CRMP1: variants seen among roughly 807,000 people sequenced by gnomAD.
CRMP1 encodes the protein collapsin response mediator protein 1, also known as dihydropyrimidinase-related protein 1.
CRMP1 carries 19 observed loss-of-function variants against 68.3 expected under a neutral mutation model. That is an observed-to-expected ratio of 0.28 (90% CI 0.19 to 0.41). The LOEUF is 0.41. Among genes scored for constraint, CRMP1 ranks in the 10% least tolerant of loss-of-function variants. The pLI, the probability that CRMP1 is intolerant of heterozygous loss-of-function variation, is 1.00. For synonymous variants in CRMP1, 439 were observed against 399.6 expected, an observed-to-expected ratio of 1.10 and a Z score of -1.18; for missense variants, 791 against 967.4, an observed-to-expected ratio of 0.82 and a Z score of 2.42.
Position 5,842,600 on chromosome 4 carries a change from ACACACACACACACACACTCACT to A in CRMP1, c.1032+471_1032+492del, listed in dbSNP as rs919011489. 4.4e-5 allele frequency among the ~76,000 whole-genome samples: 2 copies of A among 45,916 alleles called. No homozygotes were observed. The highest frequency in any genetic ancestry group is 2.6e-4 in the African/African-American group (2 of 7,574). 30.1% of individuals were successfully genotyped at this position (45,916 alleles called of 152,430 possible). A position where few individuals can be genotyped will look rare whatever the true frequency, so the allele number is the denominator to read the frequency against. On this transcript the variant is annotated intron_variant, in intron 7 of 13. Transcript: ENST00000324989. The surrounding 1 kb of genome is among the most constrained non-coding windows in gnomAD (Gnocchi z 4.5). Reference sequence around the variant, plus strand: ...TGCACCCACACTCACACACTCTCTCACACACACACACACACACTCACTCACACACACACACACGCACTGTCTC... The same window carrying A: ...TGCACCCACACTCACACACTCTCTCACACACACACACACACGCACTGTCTC...
intron 1 of CRMP1, among the ~76,000 whole-genome samples, chr4:5,876,782 C>T (rs1370613510): frequency 1.3e-5 from 2 of 151,106 alleles, no homozygotes; most frequent in African/African-American, 4.9e-5. Context: ...ACAGCATGGC[C>T]CAGCTGGTCC....
At chr4:5,824,993 C>CG (rs1719314248) in intron 13 of CRMP1, 1 of 985,244 alleles carries the variant, frequency 1.0e-6, no homozygotes. Flanking sequence ...TTGGGGCTTC[C>CG]GTTTCCTCTT....
intron 2 of CRMP1, among the ~76,000 whole-genome samples, chr4:5,864,839 C>T (rs1272761003): frequency 7.5e-6 from 1 of 133,732 alleles, no homozygotes; most frequent in African/African-American, 2.5e-5. Flanking sequence ...CCTGGCAAGT[C>T]CCGTGAGTCC....
chr4:5,871,363 G>C (rs1405230294), intron 1 of CRMP1, among the ~76,000 whole-genome samples: 3 of 152,146 alleles, frequency 2.0e-5, no homozygotes, highest in African/African-American at 7.2e-5. Context: ...CGTGAGTTTA[G>C]AAATCTCTAG....
At chr4:5,828,264 T>C in intron 12 of CRMP1, 1 of 985,372 alleles carries the variant, frequency 1.0e-6, no homozygotes. Flanking sequence ...TGCACACCCC[T>C]CTACAGTTTG....
At chr4:5,836,726 G>T in intron 10 of CRMP1, 39 bp downstream of exon 10, 10 of 1,613,894 alleles carry the variant, frequency 6.2e-6, no homozygotes, top group Non-Finnish European at 8.5e-6. Flanking sequence ...GGCAGGTAGA[G>T]TGTTTCTAGA....
At chr4:5,849,281 G>A in intron 6 of CRMP1, 111 bp downstream of exon 6, 1 of 849,874 alleles carries the variant, frequency 1.2e-6, no homozygotes, top group Non-Finnish European at 1.9e-6. Flanking sequence ...CCAGTTCCTG[G>A]CTTGACCTTT....
In CRMP1 at chr4:5,865,866, G is replaced by A. The variant is rs1404518109; in HGVS notation, c.470+802C>T. Among the ~76,000 whole-genome samples, 3 of 152,096 alleles carry A rather than the reference G, an allele frequency of 2.0e-5. No individual in the cohort carries two copies. Among genetic ancestry groups the A allele is most frequent in the Non-Finnish European group, 4.4e-5 (3 of 68,002 alleles). ...CCAGGAGTGTGCACACACACACACA[G>A]AAAGGGCCCTGTGAGGACAGCCAGA... On this transcript the variant is annotated intron_variant, in intron 2 of 13. Coordinates refer to ENST00000324989, the MANE Select transcript of CRMP1 (RefSeq NM_001014809.3). The surrounding 1 kb of genome is among the most constrained non-coding windows in gnomAD (Gnocchi z 4.1).
At position 5,893,025 on chromosome 4, in the gene CRMP1, G is replaced by C. The variant is rs1461500116; in HGVS notation, c.-56C>G. ...CCCGCCTGCCCGCCCGCGGCCCTGG[G>C]CACCGCCGTGCGCCGCGCTCCGCGC... On this transcript the variant is annotated 5_prime_UTR_variant, in exon 1 of 14. Transcript: ENST00000324989. The C allele has an allele frequency of 7.4e-6, 8 of 1,077,266 alleles. No individual in the cohort carries two copies. Among genetic ancestry groups the C allele is most frequent in the Non-Finnish European group, 2.3e-6 (2 of 883,526 alleles). The allele number at this position is 1,077,266 out of a possible 1,614,324, so 66.7% of individuals were successfully genotyped here.
chr4:5,888,999 A>G lies in CRMP1; in HGVS notation c.381+3590T>C, dbSNP rs1376347780. 1.3e-5 allele frequency among the ~76,000 whole-genome samples: 2 copies of G among 151,508 alleles called. No homozygotes were observed. Among genetic ancestry groups the G allele is most frequent in the African/African-American group, 4.9e-5 (2 of 41,208 alleles). ...CCTGAATGCACCAAGCACTTTTTCC[A>G]TCTCGGACCCCAAGCCTTTATTCAC... On this transcript the variant is annotated intron_variant, in intron 1 of 13. Transcript: ENST00000324989. This position sits in a 1 kb window ranked among gnomAD's most constrained non-coding sequence, Gnocchi z 6.4.
intron 13 of CRMP1, among the ~76,000 whole-genome samples, chr4:5,822,369 C>T: frequency 6.6e-6 from 1 of 152,134 alleles, no homozygotes; most frequent in East Asian, 1.9e-4. Context: ...CTGTCCCACA[C>T]TCCAAAGGTA....
intron 6 of CRMP1, among the ~76,000 whole-genome samples, chr4:5,844,427 C>T (rs904989965): frequency 1.5e-4 from 22 of 151,642 alleles, no homozygotes; most frequent in African/African-American, 5.3e-4. Flanking sequence ...GGAGAAGAGG[C>T]GAGGAAGGGA....
At chr4:5,857,123 C>T (rs201897577) in intron 3 of CRMP1, among the ~76,000 whole-genome samples, 48 of 122,166 alleles carry the variant, frequency 3.9e-4, no homozygotes, top group African/African-American at 1.4e-3. Flanking sequence ...ACAATCATCA[C>T]CATCACCACC....
Position 5,835,981 on chromosome 4 carries a change from C to A in CRMP1, c.1557G>T (p.Ser519=). The change falls in exon 11 of 14, where the codon TCG becomes TCT. Residue 519 remains serine (S), a synonymous_variant. Coordinates refer to ENST00000324989, the MANE Select transcript of CRMP1 (RefSeq NM_001014809.3). Reference sequence around the variant, plus strand: ...GGTCCCAGATGACCACGTCGGCATCCGAGCCCACGGCAATCCGCCCTTTCC... The same window carrying A: ...GGTCCCAGATGACCACGTCGGCATCAGAGCCCACGGCAATCCGCCCTTTCC... ...YPRKGRIAVG[S]DADVVIWDPD... The A allele has an allele frequency of 6.3e-7, 1 of 1,599,996 alleles. No individual in the cohort carries two copies. Among genetic ancestry groups the A allele is most frequent in the South Asian group, 1.1e-5 (1 of 88,324 alleles).
In CRMP1 at chr4:5,888,950, G is replaced by T. The variant is rs1054826100; in HGVS notation, c.381+3639C>A. On this transcript the variant is annotated intron_variant, in intron 1 of 13. Transcript: ENST00000324989. This position sits in a 1 kb window ranked among gnomAD's most constrained non-coding sequence, Gnocchi z 6.4. ...TCTTGCCTCTCCTTCCATAGCCTCCGTTTATCCTTCCCGAGTGCCTCTCCC... is the reference window on the plus strand; with the variant it reads ...TCTTGCCTCTCCTTCCATAGCCTCCTTTTATCCTTCCCGAGTGCCTCTCCC... Among the ~76,000 whole-genome samples the T allele has an allele frequency of 6.6e-6, 1 of 151,894 alleles. No individual in the cohort carries two copies. The highest frequency in any genetic ancestry group is 2.4e-5 in the African/African-American group (1 of 41,346).
At chr4:5,874,006 G>A (rs934190464) in intron 1 of CRMP1, among the ~76,000 whole-genome samples, 17 of 152,194 alleles carry the variant, frequency 1.1e-4, no homozygotes, top group African/African-American at 4.1e-4. Flanking sequence ...GGAAGAAGGG[G>A]AAGGAATCGT....
intron 1 of CRMP1, among the ~76,000 whole-genome samples, chr4:5,869,603 G>A (rs929554165): frequency 4.7e-5 from 7 of 148,558 alleles, no homozygotes. Flanking sequence ...AGAATGTCAT[G>A]AACCCGGAAC....
At chr4:5,876,414 A>G (rs1404827414) in intron 1 of CRMP1, among the ~76,000 whole-genome samples, 1 of 152,104 alleles carries the variant, frequency 6.6e-6, no homozygotes, top group Non-Finnish European at 1.5e-5. Context: ...AGGCCACGCA[A>G]ATTCAGATGA....
At chr4:5,827,872 G>C (rs1474637791) in intron 12 of CRMP1, among the ~76,000 whole-genome samples, 2 of 152,204 alleles carry the variant, frequency 1.3e-5, no homozygotes, top group Admixed American at 6.5e-5. Context: ...TCAGCTGTGA[G>C]AAAGTTCCCT....
Sources: allele counts gnomAD v4.1 joint callset (sites outside exome capture counted in the v4.1 genomes callset), GRCh38; gene constraint gnomAD v4.1.1; non-coding constraint Gnocchi (gnomAD v3.1); transcripts MANE v1.5; gene names NCBI Gene and HGNC (gene_info 2026-07-23, HGNC 2026-07-21).